ADCY2: variants seen among roughly 807,000 people sequenced by gnomAD.
ADCY2 encodes adenylate cyclase 2, also known as adenylate cyclase type 2.
ADCY2 carries 31 observed loss-of-function variants against 125.2 expected under a neutral mutation model. The observed-to-expected ratio is 0.25, with a 90% CI of 0.19 to 0.33. The LOEUF (loss-of-function observed/expected upper bound fraction) is 0.33, where lower values mean the gene tolerates loss of function less well. Among genes scored for constraint, ADCY2 ranks in the 10% least tolerant of loss-of-function variants. ADCY2 has a pLI of 1.00. For synonymous variants in ADCY2, 512 were observed against 548.4 expected, an observed-to-expected ratio of 0.93 and a Z score of 0.93; for missense variants, 904 against 1,418.2, an observed-to-expected ratio of 0.64 and a Z score of 5.82.
At chr5:7,559,449 AGTTT>A (rs1190985086) in intron 3 of ADCY2, among the ~76,000 whole-genome samples, 1 of 152,018 alleles carries the variant, frequency 6.6e-6, no homozygotes, top group African/African-American at 2.4e-5. Context: ...TGTGAATGGG[AGTTT>A]GTTTGTGATT....
In ADCY2 at chr5:7,802,340, C is replaced by T. The variant is rs753775779; in HGVS notation, c.2751C>T (p.Asn917=). 110 of 1,614,026 alleles carry T rather than the reference C, an allele frequency of 6.8e-5. No homozygotes were observed. The highest frequency in any genetic ancestry group is 8.1e-5 in the Non-Finnish European group (95 of 1,180,022). ...GCTTGGAATGCCTTCGGCTCCTGAA[C>T]GAGATCATCGCTGACTTTGATGATG... ...KEGLECLRLL[N]EIIADFDDLL... Residue 917 remains asparagine, a synonymous_variant, in exon 21 of 25, where the codon AAC becomes AAT. Transcript: ENST00000338316. The surrounding 1 kb of genome is among the most constrained non-coding windows in gnomAD (Gnocchi z 4.6).
chr5:7,727,946 C>G (rs1166305115), intron 14 of ADCY2, among the ~76,000 whole-genome samples: 3 of 152,064 alleles, frequency 2.0e-5, no homozygotes, highest in African/African-American at 7.2e-5. Context: ...AATCAGGTGA[C>G]TTTCTTCAAG....
At position 7,674,224 on chromosome 5, in the gene ADCY2, G is replaced by A. The variant is rs148931865; in HGVS notation, c.721-16467G>A. 8.6e-4 allele frequency among the ~76,000 whole-genome samples: 131 copies of A among 152,262 alleles called. 1 individual carries two copies. Among genetic ancestry groups the A allele is most frequent in the African/African-American group, 2.9e-3 (120 of 41,556 alleles). Reference sequence around the variant, plus strand: ...TCATTTGGGAGCCAGTAGGAGCATCGTATTTCCAGGCTCCTGGCCTTCACA... The same window carrying A: ...TCATTTGGGAGCCAGTAGGAGCATCATATTTCCAGGCTCCTGGCCTTCACA... On this transcript the variant is annotated intron_variant, in intron 4 of 24. Transcript: ENST00000338316.
chr5:7,690,499 A>T (rs935008342), intron 4 of ADCY2, 192 bp from the exon 5 acceptor site: 2 of 397,060 alleles, frequency 5.0e-6, no homozygotes, highest in African/African-American at 4.1e-5. Context: ...ATAATAAATA[A>T]TATAATGATA....
chr5:7,569,164 G>A (rs944188486), intron 3 of ADCY2, among the ~76,000 whole-genome samples: 3 of 152,136 alleles, frequency 2.0e-5, no homozygotes, highest in African/African-American at 7.2e-5. Context: ...TGTGAGCAAG[G>A]CACTACGGAC....
chr5:7,695,891 T>C (rs758019160), intron 6 of ADCY2, 28 bp downstream of exon 6: 3 of 1,498,438 alleles, frequency 2.0e-6, no homozygotes, highest in Non-Finnish European at 1.8e-6. Context: ...TTTTCTTCTC[T>C]GAAGATTTCT....
intron 4 of ADCY2, among the ~76,000 whole-genome samples, chr5:7,683,820 TG>T: frequency 1.3e-5 from 2 of 152,364 alleles, no homozygotes; most frequent in East Asian, 1.9e-4. Context: ...TTTTGCTCCT[TG>T]GGACCTTTCA....
At chr5:7,565,103 G>A (rs1366072113) in intron 3 of ADCY2, among the ~76,000 whole-genome samples, 2 of 152,182 alleles carry the variant, frequency 1.3e-5, no homozygotes, top group Non-Finnish European at 2.9e-5. Flanking sequence ...TGGAATAAAC[G>A]CACATGGGCT....
At chr5:7,601,001 G>A (rs180879742) in intron 3 of ADCY2, among the ~76,000 whole-genome samples, 202 of 152,238 alleles carry the variant, frequency 1.3e-3, no homozygotes, top group East Asian at 4.7e-3. Flanking sequence ...AGAATTTTTG[G>A]GTGGATTATG....
chr5:7,522,301 T>C (rs761740824), intron 3 of ADCY2: 5 of 152,210 alleles, frequency 3.3e-5, no homozygotes, highest in African/African-American at 1.2e-4. Context: ...ATTCATCTTA[T>C]CACAGAAAGT....
At chr5:7,549,558 C>T (rs1410295198) in intron 3 of ADCY2, among the ~76,000 whole-genome samples, 1 of 152,196 alleles carries the variant, frequency 6.6e-6, no homozygotes, top group Non-Finnish European at 1.5e-5. Context: ...TTTTAAGACA[C>T]TTTCACAAGC....
chr5:7,680,558 G>GC (rs1283696270), intron 4 of ADCY2, among the ~76,000 whole-genome samples: 1 of 152,178 alleles, frequency 6.6e-6, no homozygotes, highest in African/African-American at 2.4e-5. Flanking sequence ...GACTGACCAG[G>GC]CTCAGTCCAC....
At chr5:7,721,919 A>G (rs776101098) in intron 12 of ADCY2, among the ~76,000 whole-genome samples, 1 of 152,200 alleles carries the variant, frequency 6.6e-6, no homozygotes, top group Non-Finnish European at 1.5e-5. Context: ...ATCTGTTCTT[A>G]TTACAAAATT....
chr5:7,625,436 G>A (rs928181589), intron 3 of ADCY2, among the ~76,000 whole-genome samples: 6 of 152,216 alleles, frequency 3.9e-5, no homozygotes, highest in South Asian at 2.1e-4. Context: ...AGACAAGGCC[G>A]TATGGAAAGC....
chr5:7,747,051 T>C (rs1259698495), intron 15 of ADCY2, among the ~76,000 whole-genome samples: 1 of 152,240 alleles, frequency 6.6e-6, no homozygotes, highest in Non-Finnish European at 1.5e-5. Context: ...TGACATGTTC[T>C]CAAACACATG....
chr5:7,454,991 A>G (rs1250027491), intron 2 of ADCY2, among the ~76,000 whole-genome samples: 1 of 152,152 alleles, frequency 6.6e-6, no homozygotes, highest in African/African-American at 2.4e-5. Context: ...TTGAATGTAA[A>G]AGTGAAGTTG....
chr5:7,512,998 T>C (rs994211880), intron 2 of ADCY2, among the ~76,000 whole-genome samples: 42 of 151,586 alleles, frequency 2.8e-4, no homozygotes, highest in African/African-American at 9.5e-4. Flanking sequence ...GTCTTTGACA[T>C]GGGAAGAGGT....
chr5:7,627,172 T>G (rs1738162519), intron 4 of ADCY2, among the ~76,000 whole-genome samples: 1 of 152,124 alleles, frequency 6.6e-6, no homozygotes, highest in Admixed American at 6.5e-5. Flanking sequence ...GGAGTCTTCC[T>G]CAGGGAGGTG....
At chr5:7,499,648 G>T (rs1476826735) in intron 2 of ADCY2, among the ~76,000 whole-genome samples, 4 of 118,430 alleles carry the variant, frequency 3.4e-5, no homozygotes, top group Non-Finnish European at 5.1e-5. Context: ...TATGTGGGTG[G>T]ATATATATAT....
Sources: allele counts gnomAD v4.1 joint callset (sites outside exome capture counted in the v4.1 genomes callset), GRCh38; gene constraint gnomAD v4.1.1; non-coding constraint Gnocchi (gnomAD v3.1); transcripts MANE v1.5; gene names NCBI Gene and HGNC (gene_info 2026-07-23, HGNC 2026-07-21).